B4GALT6: variants seen among roughly 807,000 people sequenced by gnomAD.
B4GALT6 encodes UDP-Gal:beta-GlcNAc beta-1,4-galactosyltransferase 6.
A neutral mutation model predicts 46.3 loss-of-function variants in B4GALT6; 14 were observed. The observed-to-expected ratio is 0.30, with a 90% CI of 0.20 to 0.47. The LOEUF (loss-of-function observed/expected upper bound fraction) is 0.47. Ranked by LOEUF, B4GALT6 falls within the 20% of genes least tolerant of loss-of-function variation. B4GALT6 has a pLI of 0.99. For synonymous variants in B4GALT6, 168 were observed against 162.0 expected, an observed-to-expected ratio of 1.04 and a Z score of -0.28; for missense variants, 386 against 480.1, an observed-to-expected ratio of 0.80 and a Z score of 1.83.
intron 6 of B4GALT6, among the ~76,000 whole-genome samples, chr18:31,630,527 A>G (rs1036092176): frequency 2.0e-5 from 3 of 152,092 alleles, no homozygotes; most frequent in African/African-American, 7.2e-5. Context: ...GGGGGAGAGC[A>G]GGCAGGAGTC....
intron 2 of B4GALT6, 102 bp from the exon 3 acceptor site, chr18:31,658,191 A>G (rs1239558538): frequency 8.9e-6 from 7 of 788,520 alleles, no homozygotes; most frequent in African/African-American, 5.3e-5. Context: ...TACAATATAC[A>G]ATCTACAGAA....
intron 3 of B4GALT6, among the ~76,000 whole-genome samples, chr18:31,649,789 A>G (rs567477176): frequency 6.6e-6 from 1 of 152,314 alleles, no homozygotes; most frequent in Non-Finnish European, 1.5e-5. Context: ...AGAAAAGGAG[A>G]TGCTTATACA....
At chr18:31,724,263 T>C in the B4GALT6 span, 3 of 382,682 alleles carry the variant, frequency 7.8e-6, 1 homozygote, top group South Asian at 5.5e-5. Flanking sequence ...AGCGCTTGTC[T>C]TGTCCCGGCT....
At chr18:31,675,461 T>C (rs1342088767) in intron 1 of B4GALT6, among the ~76,000 whole-genome samples, 3 of 152,236 alleles carry the variant, frequency 2.0e-5, no homozygotes, top group African/African-American at 7.2e-5. Context: ...TTCAGCCTAC[T>C]TTAACCCTAG....
upstream of B4GALT6, chr18:31,684,656 A>T (rs1395249416): frequency 9.8e-7 from 1 of 1,023,934 alleles, no homozygotes; most frequent in East Asian, 6.6e-5. Context: ...GCCGAGGGAC[A>T]AGAGGTGGAG....
upstream of B4GALT6, among the ~76,000 whole-genome samples, chr18:31,690,396 G>T (rs1221619198): frequency 6.6e-6 from 1 of 152,138 alleles, no homozygotes; most frequent in Non-Finnish European, 1.5e-5. Context: ...CTCCCAAAGT[G>T]CAGGGATTAC....
At chr18:31,646,558 G>A (rs1168937301) in intron 3 of B4GALT6, among the ~76,000 whole-genome samples, 1 of 152,142 alleles carries the variant, frequency 6.6e-6, no homozygotes, top group African/African-American at 2.4e-5. Context: ...GGTACAAATT[G>A]CTCTGGAGCG....
chr18:31,658,284 A>T (rs2074168549), intron 2 of B4GALT6, 195 bp from the exon 3 acceptor site: 1 of 487,344 alleles, frequency 2.1e-6, no homozygotes, highest in Non-Finnish European at 3.7e-6. Context: ...ATTTCCCAAG[A>T]GACATCTAGA....
In B4GALT6 at chr18:31,625,559, G is replaced by A. The variant is rs532637417; in HGVS notation, c.*55C>T. On this transcript the variant is annotated 3_prime_UTR_variant, in exon 9 of 9. Transcript: ENST00000306851. ...AATCACTGACCTCCACTAAGAGCGC[G>A]CTCCAAGTTTATGATCCAGCATTGT... 1.3e-4 allele frequency: 201 copies of A among 1,597,262 alleles called. 2 individuals are homozygous for A. In the African/African-American group the frequency reaches 2.2e-3, roughly 18 times the overall value.
intron 1 of B4GALT6, among the ~76,000 whole-genome samples, chr18:31,673,150 G>A (rs1032776381): frequency 6.6e-6 from 1 of 152,132 alleles, no homozygotes. Context: ...TTCTGTTGGT[G>A]GGAAAGTTTA....
At chr18:31,678,704 A>G (rs533774076) in intron 1 of B4GALT6, among the ~76,000 whole-genome samples, 14 of 152,278 alleles carry the variant, frequency 9.2e-5, no homozygotes, top group African/African-American at 3.4e-4. Flanking sequence ...ATCTCCAAAT[A>G]TGGACAACGC....
the B4GALT6 span, among the ~76,000 whole-genome samples, chr18:31,710,422 A>C: frequency 6.6e-6 from 1 of 152,188 alleles, no homozygotes; most frequent in Non-Finnish European, 1.5e-5. Flanking sequence ...AATTTGCAAA[A>C]AAATGTCTTT....
At chr18:31,724,095 A>G in the B4GALT6 span, 449 of 296,516 alleles carry the variant, frequency 1.5e-3, 1 homozygote, top group African/African-American at 9.2e-3. Flanking sequence ...ATTGTGGGAT[A>G]AGATTGCCCT....
At chr18:31,657,330 T>C (rs1011731243) in intron 3 of B4GALT6, among the ~76,000 whole-genome samples, 8 of 152,046 alleles carry the variant, frequency 5.3e-5, no homozygotes, top group African/African-American at 1.9e-4. Flanking sequence ...TACCACACAG[T>C]AATAGTTAAG....
intron 3 of B4GALT6, among the ~76,000 whole-genome samples, chr18:31,651,915 C>T (rs892775125): frequency 6.6e-5 from 10 of 152,112 alleles, no homozygotes; most frequent in Non-Finnish European, 1.2e-4. Context: ...GGACTTCAGG[C>T]GCCCGCCACC....
upstream of B4GALT6, among the ~76,000 whole-genome samples, chr18:31,690,369 G>A (rs961217732): frequency 1.3e-5 from 2 of 152,096 alleles, no homozygotes; most frequent in Non-Finnish European, 2.9e-5. Flanking sequence ...GACCTCAGGT[G>A]ATCCGCCTGC....
At chr18:31,656,802 C>G (rs1171018854) in intron 3 of B4GALT6, among the ~76,000 whole-genome samples, 2 of 152,100 alleles carry the variant, frequency 1.3e-5, no homozygotes, top group Non-Finnish European at 2.9e-5. Flanking sequence ...CAACAGGCCA[C>G]TGCCAGAATA....
the B4GALT6 span, among the ~76,000 whole-genome samples, chr18:31,710,405 A>G: frequency 6.6e-6 from 1 of 152,222 alleles, no homozygotes; most frequent in South Asian, 2.1e-4. Flanking sequence ...ACTTGTGGAC[A>G]TTACTCAATT....
chr18:31,688,272 T>TATATACGTATATATATAC (rs1555643360), upstream of B4GALT6, among the ~76,000 whole-genome samples: 1 of 149,690 alleles, frequency 6.7e-6, no homozygotes, highest in Non-Finnish European at 1.5e-5. Flanking sequence ...TATATATATA[T>TATATACGTATATATATAC]ACACACACAC....
Sources: allele counts gnomAD v4.1 joint callset (sites outside exome capture counted in the v4.1 genomes callset), GRCh38; gene constraint gnomAD v4.1.1; transcripts MANE v1.5; gene names NCBI Gene and HGNC (gene_info 2026-07-23, HGNC 2026-07-21).